Variants in VWF observed in about 807,000 individuals in gnomAD.
The protein encoded by VWF is von Willebrand factor, also known as Factor VIII related antigen.
Under a neutral mutation model 308.6 loss-of-function variants are expected in VWF, and 176 were observed. The observed-to-expected ratio is 0.57, with a 90% CI of 0.50 to 0.65. The LOEUF (loss-of-function observed/expected upper bound fraction) is 0.65, where lower values mean the gene tolerates loss of function less well. VWF is among the 30% of genes least tolerant of loss of function. The pLI is 0.00. For synonymous variants in VWF, 1,385 were observed against 1,443.4 expected (o/e 0.96, Z 0.92); for missense variants, 3,146 against 3,648.2 (o/e 0.86, Z 3.55).
At chr12:6,001,917 T>A (rs547497089) in intron 34 of VWF, among the ~76,000 whole-genome samples, 4 of 152,218 alleles carry the variant, frequency 2.6e-5, no homozygotes, top group South Asian at 2.1e-4. Context: ...AAATTAAAAA[T>A]TTTTTAATTA....
chr12:6,048,856 G>A (rs216302), intron 16 of VWF, among the ~76,000 whole-genome samples: 135,326 of 152,308 alleles, frequency 0.89, 60,209 homozygotes, highest in Middle Eastern at 0.92. Flanking sequence ...TTCTGAGCAC[G>A]TGCAGAACCC....
At chr12:6,105,513 G>C (rs1945232377) in intron 5 of VWF, among the ~76,000 whole-genome samples, 2 of 152,100 alleles carry the variant, frequency 1.3e-5, no homozygotes, top group South Asian at 4.2e-4. Context: ...CAGGATTACA[G>C]GCGTGGGCCA....
At chr12:6,109,694 A>G (rs774443072) in intron 5 of VWF, among the ~76,000 whole-genome samples, 2 of 152,114 alleles carry the variant, frequency 1.3e-5, no homozygotes, top group Non-Finnish European at 2.9e-5. Context: ...TCTGTCGCCC[A>G]GGCTGGAGTG....
chr12:5,998,465 C>CAAAAAA (rs1179417103), intron 34 of VWF, among the ~76,000 whole-genome samples: 19 of 54,584 alleles, frequency 3.5e-4, no homozygotes, highest in Non-Finnish European at 5.0e-4. Flanking sequence ...GAGACTCCGT[C>CAAAAAA]AAAAAAAAAA....
In VWF at chr12:6,075,893, C is replaced by G. The variant is rs1242494331; in HGVS notation, c.658-342G>C. Among the ~76,000 whole-genome samples the G allele has an allele frequency of 6.6e-6, 1 of 152,148 alleles. No homozygotes were observed. The highest frequency in any genetic ancestry group is 1.5e-5 in the Non-Finnish European group (1 of 68,026). On this transcript the variant is annotated intron_variant, in intron 6 of 51. Transcript: ENST00000261405. The surrounding 1 kb of genome is among the most constrained non-coding windows in gnomAD (Gnocchi z 4.7). ...TGCGCCCTGGAGTTGGCCTGGGTGG[C>G]TGCAGAGTCCAGGAATGCTGTCAGC...
chr12:5,991,599 A>C (rs575490117), intron 38 of VWF, among the ~76,000 whole-genome samples: 7 of 152,230 alleles, frequency 4.6e-5, no homozygotes, highest in Non-Finnish European at 8.8e-5. Flanking sequence ...CAACACTTTG[A>C]TGTTTAATCC....
At chr12:5,969,122 A>G (rs1312100368) in intron 45 of VWF, 89 bp downstream of exon 45, 12 of 1,484,398 alleles carry the variant, frequency 8.1e-6, no homozygotes, top group Non-Finnish European at 1.1e-5. Flanking sequence ...CTAAGTTGCT[A>G]AAAAGGCAAA....
chr12:6,058,110 A>C lies in VWF; in HGVS notation c.1534-66T>G. 1.3e-6 allele frequency: 2 copies of C among 1,560,138 alleles called. No homozygotes were observed. The highest frequency in any genetic ancestry group is 1.7e-6 in the Non-Finnish European group (2 of 1,149,666). ...AAGCAGCGGCATAGTTGTTTAGCTAATGAGATGGTTTTAATAAAAAAAAAA... is the reference window on the plus strand; with the variant it reads ...AAGCAGCGGCATAGTTGTTTAGCTACTGAGATGGTTTTAATAAAAAAAAAA... On this transcript the variant is annotated intron_variant, in intron 13 of 51. Coordinates refer to ENST00000261405, the MANE Select transcript of VWF (RefSeq NM_000552.5). This position sits in a 1 kb window ranked among gnomAD's most constrained non-coding sequence, Gnocchi z 4.9.
rs372938917 is a variant in VWF, at chr12:6,064,359, C to T, written c.1319G>A (p.Cys440Tyr). The change falls in exon 12 of 52, where the codon TGC becomes TAC. Residue 440 changes from cysteine (C) to tyrosine (Y), a missense_variant. Around this residue, in one of 3 missense-constraint regions of VWF, gnomAD observed 1,304 missense variants for 1,353.0 expected, o/e 0.96. Transcript: ENST00000261405. ...CAGCCGGACGGTGACGGAGCGGGTGCACACAGCGTCGCGGTCATCAGCACA... is the reference window on the plus strand; with the variant it reads ...CAGCCGGACGGTGACGGAGCGGGTGTACACAGCGTCGCGGTCATCAGCACA... ...VQCADDRDAV[C>Y]TRSVTVRLPG... The T allele has an allele frequency of 6.2e-7, 1 of 1,614,036 alleles. No homozygotes were observed. The highest frequency in any genetic ancestry group is 1.3e-5 in the African/African-American group (1 of 74,922).
Position 6,019,804 on chromosome 12 carries a change from C to A in VWF, c.3675-61G>T, listed in dbSNP as rs1375082779. 8 of 1,535,814 alleles carry A rather than the reference C, an allele frequency of 5.2e-6. No homozygotes were observed. Among genetic ancestry groups the A allele is most frequent in the East Asian group, 2.4e-5 (1 of 42,496 alleles). On this transcript the variant is annotated intron_variant, in intron 27 of 51. Coordinates refer to ENST00000261405, the MANE Select transcript of VWF (RefSeq NM_000552.5). This position sits in a 1 kb window ranked among gnomAD's most constrained non-coding sequence, Gnocchi z 5.8. ...GAAGAACCTGTGGACACTTCTGAGC[C>A]CTACAGTGTACAATGACTTCCATAT...
intron 34 of VWF, among the ~76,000 whole-genome samples, chr12:6,006,689 G>A (rs956244442): frequency 6.6e-6 from 1 of 152,050 alleles, no homozygotes; most frequent in Admixed American, 6.5e-5. Flanking sequence ...TGAGGGAGGA[G>A]AATCACTTGA....
chr12:6,108,567 G>A (rs1242800844), intron 5 of VWF, among the ~76,000 whole-genome samples: 1 of 149,490 alleles, frequency 6.7e-6, no homozygotes, highest in Admixed American at 6.7e-5. Context: ...CATTATTTTT[G>A]GGCATACATA....
chr12:6,034,524 C>A (rs1944310370), intron 20 of VWF, among the ~76,000 whole-genome samples, 164 bp downstream of exon 20: 1 of 152,202 alleles, frequency 6.6e-6, no homozygotes, highest in South Asian at 2.1e-4. Flanking sequence ...GCTTCAAATC[C>A]CCTACCGCTT....
chr12:6,016,072 G>A lies in VWF; in HGVS notation c.5455+17C>T, dbSNP rs1260672888. Reference sequence around the variant, plus strand: ...GTCTCGCTCTCCTGAATTGAGGACTGTACACCAGATTCTTACTGTTGGACC... The same window carrying A: ...GTCTCGCTCTCCTGAATTGAGGACTATACACCAGATTCTTACTGTTGGACC... On this transcript the variant is annotated intron_variant, in intron 31 of 51. Coordinates refer to ENST00000261405, the MANE Select transcript of VWF (RefSeq NM_000552.5). 1.5e-5 allele frequency: 25 copies of A among 1,613,830 alleles called. No homozygotes were observed. The highest frequency in any genetic ancestry group is 7.7e-5 in the South Asian group (7 of 91,074).
chr12:6,036,206 C>T (rs1469022521), intron 19 of VWF, among the ~76,000 whole-genome samples, 182 bp downstream of exon 19: 3 of 152,172 alleles, frequency 2.0e-5, no homozygotes, highest in African/African-American at 7.2e-5. Flanking sequence ...AGGATGGACA[C>T]AGGTGATGAA....
chr12:5,952,473 A>T lies in VWF; in HGVS notation c.8033T>A (p.Val2678Asp). The T allele has an allele frequency of 1.2e-6, 2 of 1,614,076 alleles. No homozygotes were observed. Among genetic ancestry groups the T allele is most frequent in the Non-Finnish European group, 1.7e-6 (2 of 1,179,954 alleles). Residue 2678 changes from valine to aspartate, a missense_variant, in exon 49 of 52, where the codon GTC (valine) becomes GAC (aspartate). Physicochemically the swap from Val to Asp is radical, Grantham distance 152 (BLOSUM62 -3). This residue lies in a region of VWF where 989 missense variants were observed against 1,117.4 expected (regional missense o/e 0.89). Coordinates refer to ENST00000261405, the MANE Select transcript of VWF (RefSeq NM_000552.5). ...QDGCDTHFCKVNERGEYFWEK... is the reference protein window; with the variant it reads ...QDGCDTHFCKDNERGEYFWEK... The stretch of plus-strand genomic sequence containing the variant: ...CCAGAAGTACTCTCCTCTCTCATTG[A>T]CCTTGCAGAAGTGAGTATCACAGCC...
Position 6,019,643 on chromosome 12 carries a change from C to T in VWF, c.3775G>A (p.Val1259Met). 5 of 1,613,968 alleles carry T rather than the reference C, an allele frequency of 3.1e-6. No homozygotes were observed. Among genetic ancestry groups the T allele is most frequent in the Non-Finnish European group, 4.2e-6 (5 of 1,179,878 alleles). The change falls in exon 28 of 52, where the codon GTG becomes ATG. Residue 1259 changes from valine to methionine, a missense_variant. Around this residue, in one of 3 missense-constraint regions of VWF, gnomAD observed 853 missense variants for 1,177.8 expected, o/e 0.72. Transcript: ENST00000261405. This position sits in a 1 kb window ranked among gnomAD's most constrained non-coding sequence, Gnocchi z 5.8. Reference sequence around the variant, plus strand: ...AACGGCGGTTCCGAGATGTCCTCCACATACAGAGTGGTGGGGCTCACCGGG... The same window carrying T: ...AACGGCGGTTCCGAGATGTCCTCCATATACAGAGTGGTGGGGCTCACCGGG... ...DAPVSPTTLY[V>M]EDISEPPLHD...
At chr12:6,055,301 C>T (rs901646528) in intron 15 of VWF, among the ~76,000 whole-genome samples, 3 of 152,272 alleles carry the variant, frequency 2.0e-5, no homozygotes, top group Non-Finnish European at 4.4e-5. Context: ...GGTGGACAAG[C>T]AAAGAATATT....
intron 8 of VWF, 95 bp downstream of exon 8, chr12:6,073,521 GCAA>G (rs1181520989): frequency 6.5e-7 from 1 of 1,550,290 alleles, no homozygotes. Context: ...TCTGATTTCA[GCAA>G]CGGGGAGCAA....
Sources: gnomAD v4.1 joint callset for allele counts (sites outside exome capture counted in the v4.1 genomes callset) on GRCh38, gnomAD v4.1.1 for gene constraint, gnomAD v4.1.1 regional missense constraint, Gnocchi (gnomAD v3.1) non-coding constraint, MANE v1.5 for transcripts, NCBI Gene and HGNC (gene_info 2026-07-23, HGNC 2026-07-21) for gene names.